Variants in KCNN2 observed in about 807,000 individuals in gnomAD.
KCNN2 encodes the protein potassium calcium-activated channel subfamily N member 2.
A neutral mutation model predicts 55.5 loss-of-function variants in KCNN2; 24 were observed. The ratio of observed to expected loss-of-function variants is 0.43; its 90% CI spans 0.31 to 0.61. The LOEUF is 0.61. Ranked by LOEUF, KCNN2 falls within the 20% of genes least tolerant of loss-of-function variation. The pLI is 0.08. For missense variants in KCNN2, 754 were observed against 853.6 expected (o/e 0.88, Z 1.45); for synonymous variants, 431 against 336.1 (o/e 1.28, Z -3.09).
intron 3 of KCNN2, among the ~76,000 whole-genome samples, chr5:114,430,803 A>T (rs557373673): frequency 3.9e-4 from 60 of 152,204 alleles, no homozygotes; most frequent in African/African-American, 1.3e-3. Flanking sequence ...TTTACCATGA[A>T]TGGGTGTTAG....
intron 2 of KCNN2, among the ~76,000 whole-genome samples, chr5:114,263,318 G>T (rs1755147712): frequency 6.6e-6 from 1 of 152,162 alleles, no homozygotes; most frequent in South Asian, 2.1e-4. Flanking sequence ...GAAGCCAGTG[G>T]TCACATCTAA....
chr5:114,412,941 C>CG (rs1759181389), intron 3 of KCNN2, among the ~76,000 whole-genome samples: 1 of 152,188 alleles, frequency 6.6e-6, no homozygotes, highest in African/African-American at 2.4e-5. Context: ...CAAGTAAACT[C>CG]TAAGTATTTC....
At chr5:114,324,738 T>A (rs746486046) in intron 2 of KCNN2, among the ~76,000 whole-genome samples, 70 of 152,202 alleles carry the variant, frequency 4.6e-4, no homozygotes, top group Non-Finnish European at 8.1e-4. Context: ...CTATAACAAA[T>A]CCTTGAAATG....
intron 3 of KCNN2, among the ~76,000 whole-genome samples, chr5:114,431,554 C>CCA (rs1382440788): frequency 6.6e-6 from 1 of 151,856 alleles, no homozygotes; most frequent in Non-Finnish European, 1.5e-5. Context: ...CTGATTTTCT[C>CCA]CATTGACTTA....
At chr5:114,475,774 G>A (rs570620752) in intron 5 of KCNN2, among the ~76,000 whole-genome samples, 31 of 152,160 alleles carry the variant, frequency 2.0e-4, no homozygotes, top group South Asian at 4.2e-4. Context: ...TATGGATCCA[G>A]GATCTAGATC....
At chr5:114,246,837 G>A (rs1472452381) in intron 2 of KCNN2, among the ~76,000 whole-genome samples, 3 of 151,904 alleles carry the variant, frequency 2.0e-5, no homozygotes, top group African/African-American at 7.3e-5. Flanking sequence ...TGTTAATAAT[G>A]CCTTTATTAG....
In KCNN2 at chr5:114,072,090, C is replaced by G. The variant is rs193114235; in HGVS notation, c.-271+15590C>G. 1.9e-4 allele frequency among the ~76,000 whole-genome samples: 29 copies of G among 152,208 alleles called. No homozygotes were observed. In the East Asian group the frequency reaches 5.4e-3, roughly 28 times the overall value. On this transcript the variant is annotated intron_variant, in intron 1 of 10. Coordinates refer to the KCNN2 transcript ENST00000512097. ...GGTGGATCACCTGAGGTCGGGAGTTCAAGACCAGCCTGACCAACATGGAGA... is the reference window on the plus strand; with the variant it reads ...GGTGGATCACCTGAGGTCGGGAGTTGAAGACCAGCCTGACCAACATGGAGA...
chr5:114,065,846 G>GGTT (rs1750434865), intron 1 of KCNN2, among the ~76,000 whole-genome samples: 1 of 45,196 alleles, frequency 2.2e-5, no homozygotes, highest in African/African-American at 8.5e-5. Context: ...TCCTATGCAG[G>GGTT]TTTTTTTTTT....
rs536056954 is a variant in KCNN2 at position 114,267,218 on chromosome 5, C to T, written c.-185+45653C>T. ...CCATATTGGCCAGGATGGTCTCGATCTCTTGACCTCGTGATCCACCCACCC... is the reference window on the plus strand; with the variant it reads ...CCATATTGGCCAGGATGGTCTCGATTTCTTGACCTCGTGATCCACCCACCC... On this transcript the variant is annotated intron_variant, in intron 2 of 10. Coordinates refer to the KCNN2 transcript ENST00000512097. Among the ~76,000 whole-genome samples, 5 of 152,210 alleles carry T rather than the reference C, an allele frequency of 3.3e-5. No individual in the cohort carries two copies. The East Asian group carries it at 5.8e-4, about 18-fold the overall frequency.
At chr5:114,435,523 C>A (rs1759973136) in intron 3 of KCNN2, among the ~76,000 whole-genome samples, 2 of 151,890 alleles carry the variant, frequency 1.3e-5, no homozygotes, top group Admixed American at 6.6e-5. Flanking sequence ...GATTGTGTCT[C>A]ACTCTAAACA....
chr5:114,262,674 G>A (rs1192162890), intron 2 of KCNN2, among the ~76,000 whole-genome samples: 1 of 152,190 alleles, frequency 6.6e-6, no homozygotes, highest in Admixed American at 6.5e-5. Context: ...AGAATAGCAG[G>A]TGAAACTTAT....
chr5:114,413,698 A>G (rs2150076250), intron 3 of KCNN2, among the ~76,000 whole-genome samples: 1 of 152,320 alleles, frequency 6.6e-6, no homozygotes, highest in African/African-American at 2.4e-5. Flanking sequence ...GATTGAAAAT[A>G]CCAGCACTGT....
At chr5:114,455,410 T>C (rs1760872763) in intron 3 of KCNN2, among the ~76,000 whole-genome samples, 1 of 152,206 alleles carries the variant, frequency 6.6e-6, no homozygotes, top group South Asian at 2.1e-4. Flanking sequence ...CAAACTTAAA[T>C]GATAAATGTT....
At chr5:114,437,016 T>C (rs1366793185) in intron 3 of KCNN2, among the ~76,000 whole-genome samples, 1 of 152,096 alleles carries the variant, frequency 6.6e-6, no homozygotes, top group Non-Finnish European at 1.5e-5. Context: ...GTTGTTTTTT[T>C]CTTATCTATA....
At chr5:114,206,504 C>T (rs1193812462) in intron 1 of KCNN2, among the ~76,000 whole-genome samples, 1 of 152,144 alleles carries the variant, frequency 6.6e-6, no homozygotes, top group East Asian at 1.9e-4. Flanking sequence ...TCTTTCTCCT[C>T]ATATTTTTTT....
At chr5:114,182,828 T>C (rs1753265260) in intron 1 of KCNN2, among the ~76,000 whole-genome samples, 1 of 152,138 alleles carries the variant, frequency 6.6e-6, no homozygotes, top group South Asian at 2.1e-4. Flanking sequence ...TAGTTTTACT[T>C]CTTTATTTCT....
chr5:114,318,266 C>T (rs138545207), intron 2 of KCNN2, among the ~76,000 whole-genome samples: 27 of 152,282 alleles, frequency 1.8e-4, no homozygotes, highest in African/African-American at 6.0e-4. Flanking sequence ...AGTGCCCTAC[C>T]TTCAGATTTT....
rs369914146 is a variant in KCNN2 at position 114,385,514 on chromosome 5, T to TGCGC, written c.1219-18921_1219-18918dup. ...ATTGTTTATTGACAGCATACACACA[T>TGCGC]GCGCGCACACACACACACACACACA... On this transcript the variant is annotated intron_variant, in intron 2 of 7. Transcript: ENST00000673685. Among the ~76,000 whole-genome samples, 273 of 81,468 alleles carry TGCGC rather than the reference T, an allele frequency of 3.4e-3. 2 individuals carry two copies. Among genetic ancestry groups the TGCGC allele is most frequent in the South Asian group, 0.03 (65 of 2,196 alleles). 53.4% of individuals were successfully genotyped at this position (81,468 alleles called of 152,430 possible).
intron 1 of KCNN2, among the ~76,000 whole-genome samples, chr5:114,127,973 T>C (rs1430510045): frequency 6.6e-6 from 1 of 152,192 alleles, no homozygotes; most frequent in Non-Finnish European, 1.5e-5. Context: ...TTGGACTTTA[T>C]TGTGTATATC....
Sources: allele counts gnomAD v4.1 joint callset (sites outside exome capture counted in the v4.1 genomes callset), GRCh38; gene constraint gnomAD v4.1.1; transcripts MANE v1.5; gene names NCBI Gene and HGNC (gene_info 2026-07-23, HGNC 2026-07-21).